KLHL2: variants seen among roughly 807,000 people sequenced by gnomAD.
KLHL2 encodes kelch-like protein 2.
In KLHL2, 15 loss-of-function variants were observed where a neutral mutation model predicts 75.8. The ratio of observed to expected loss-of-function variants is 0.20; its 90% CI spans 0.13 to 0.30. The LOEUF (loss-of-function observed/expected upper bound fraction) is 0.30. Ranked by LOEUF, KLHL2 falls within the 10% of genes least tolerant of loss-of-function variation. The pLI is 1.00. For synonymous variants in KLHL2, 214 were observed against 251.9 expected (o/e 0.85, Z 1.42); for missense variants, 381 against 741.0 (o/e 0.51, Z 5.64).
At chr4:165,304,082 G>T (rs1053956252) in intron 8 of KLHL2, among the ~76,000 whole-genome samples, 4 of 150,798 alleles carry the variant, frequency 2.7e-5, no homozygotes, top group Non-Finnish European at 4.4e-5. Flanking sequence ...AAGGGGACTT[G>T]CTGTTAACCA....
At chr4:165,210,939 AG>A in intron 1 of KLHL2, among the ~76,000 whole-genome samples, 1 of 148,662 alleles carries the variant, frequency 6.7e-6, no homozygotes, top group East Asian at 1.9e-4. Context: ...ACTCTCTGTA[AG>A]CCTTGATTTT....
At chr4:165,252,513 C>G (rs1740819043) in intron 4 of KLHL2, 1 of 152,110 alleles carries the variant, frequency 6.6e-6, no homozygotes. Context: ...TAATGTGCTT[C>G]TGATAATCTG....
intron 2 of KLHL2, among the ~76,000 whole-genome samples, chr4:165,224,439 C>T (rs942197624): frequency 6.6e-6 from 1 of 152,148 alleles, no homozygotes; most frequent in African/African-American, 2.4e-5. Context: ...TCCTGTACAA[C>T]CCATAAATAT....
intron 11 of KLHL2, among the ~76,000 whole-genome samples, chr4:165,311,964 A>G (rs1027560274): frequency 2.0e-5 from 3 of 151,898 alleles, no homozygotes; most frequent in Admixed American, 6.6e-5. Flanking sequence ...CAATTTTTCC[A>G]TGGACAGGGG....
At chr4:165,299,699 G>T (rs1745203672) in intron 8 of KLHL2, 43 bp downstream of exon 8, 2 of 1,497,224 alleles carry the variant, frequency 1.3e-6, no homozygotes, top group Non-Finnish European at 9.0e-7. Context: ...CATGCAAAAG[G>T]CTTATAAGTG....
intron 5 of KLHL2, among the ~76,000 whole-genome samples, chr4:165,284,746 A>AT (rs1743957769): frequency 1.3e-5 from 2 of 152,094 alleles, no homozygotes; most frequent in Non-Finnish European, 2.9e-5. Flanking sequence ...GTACTGGTTC[A>AT]TTTTCACACT....
chr4:165,234,895 A>G (rs1252806412), intron 3 of KLHL2, among the ~76,000 whole-genome samples: 4 of 152,086 alleles, frequency 2.6e-5, no homozygotes, highest in South Asian at 2.1e-4. Context: ...GTACTTTGGG[A>G]GGCCAAGGCG....
intron 3 of KLHL2, among the ~76,000 whole-genome samples, chr4:165,230,180 G>A (rs1374382020): frequency 5.9e-5 from 9 of 152,192 alleles, no homozygotes; most frequent in Admixed American, 5.9e-4. Flanking sequence ...GAGAGAGAGA[G>A]TCTCTAAGGC....
At chr4:165,304,143 A>C (rs998514930) in intron 8 of KLHL2, among the ~76,000 whole-genome samples, 4 of 152,074 alleles carry the variant, frequency 2.6e-5, no homozygotes, top group Non-Finnish European at 5.9e-5. Flanking sequence ...AGCCTCCCAA[A>C]GTGCTGGGAT....
At chr4:165,209,916 C>T (rs1427800203) in intron 1 of KLHL2, 3 of 1,010,298 alleles carry the variant, frequency 3.0e-6, no homozygotes, top group South Asian at 1.9e-5. Context: ...CACCCCTTGG[C>T]CTGTTTGCCT....
rs1054669601 is a variant in KLHL2, at chr4:165,247,730, GTAAT to G, written c.381+8834_381+8837del. ...CATATAATTATAAAGGCTGTGGCAA[GTAAT>G]TAGCCAAAAGGAAGATGAGGAAGAG... On this transcript the variant is annotated intron_variant, in intron 4 of 14. Coordinates refer to ENST00000226725, the MANE Select transcript of KLHL2 (RefSeq NM_007246.4). Among the ~76,000 whole-genome samples, 57 of 152,192 alleles carry G rather than the reference GTAAT, an allele frequency of 3.7e-4. 1 individual carries two copies. The highest frequency in any genetic ancestry group is 7.2e-4 in the Admixed American group (11 of 15,276).
intron 2 of KLHL2, chr4:165,223,975 C>T (rs1359765995): frequency 1.8e-5 from 8 of 449,414 alleles, no homozygotes; most frequent in African/African-American, 6.1e-5. Flanking sequence ...AATGCAGTGG[C>T]GTGATCTCAG....
intron 5 of KLHL2, among the ~76,000 whole-genome samples, chr4:165,291,043 C>G (rs1227574959): frequency 6.6e-6 from 1 of 152,168 alleles, no homozygotes; most frequent in Non-Finnish European, 1.5e-5. Context: ...TAAATGGTAT[C>G]TCATTGATGT....
chr4:165,282,795 G>A (rs1017357904), intron 5 of KLHL2, among the ~76,000 whole-genome samples: 25 of 148,678 alleles, frequency 1.7e-4, no homozygotes, highest in Admixed American at 1.3e-3. Context: ...TTAGAGCAAC[G>A]TACAGAAGAA....
At chr4:165,312,920 G>A (rs1387310273) in intron 11 of KLHL2, among the ~76,000 whole-genome samples, 8 of 152,012 alleles carry the variant, frequency 5.3e-5, no homozygotes, top group Non-Finnish European at 1.0e-4. Context: ...ATTTAATTCT[G>A]TCTTACAGGA....
chr4:165,313,037 A>AT (rs1746326657), intron 11 of KLHL2, among the ~76,000 whole-genome samples: 1 of 152,186 alleles, frequency 6.6e-6, no homozygotes, highest in Admixed American at 6.5e-5. Context: ...TACCCTGCAG[A>AT]TCTTCATAAC....
chr4:165,274,300 G>A (rs536179942), intron 5 of KLHL2, among the ~76,000 whole-genome samples: 2 of 152,170 alleles, frequency 1.3e-5, no homozygotes, highest in Non-Finnish European at 2.9e-5. Flanking sequence ...GGTCCATGGT[G>A]TGACTGCACA....
chr4:165,208,017 A>C, intron 1 of KLHL2, 115 bp downstream of exon 1: 1 of 666,744 alleles, frequency 1.5e-6, no homozygotes, highest in African/African-American at 1.9e-5. Flanking sequence ...GGGAGGTGGG[A>C]GATGCGGGGC....
Position 165,238,642 on chromosome 4 carries a change from C to T in KLHL2, c.260-136C>T, listed in dbSNP as rs1579016208. ...TGGAAGAGGAAGGGGGGAGTATTTT[C>T]GGCCTGCAAAAAGTGGCTGATTATG... On this transcript the variant is annotated intron_variant, in intron 3 of 14. Coordinates refer to ENST00000226725, the MANE Select transcript of KLHL2 (RefSeq NM_007246.4). The T allele has an allele frequency of 2.1e-5, 31 of 1,502,138 alleles. No individual in the cohort carries two copies. In the East Asian group the frequency reaches 6.9e-4, roughly 33 times the overall value. The allele number at this position is 1,502,138 out of a possible 1,614,324, so 93.1% of individuals were successfully genotyped here.
Sources: gnomAD v4.1 joint callset for allele counts (sites outside exome capture counted in the v4.1 genomes callset) on GRCh38, gnomAD v4.1.1 for gene constraint, MANE v1.5 for transcripts, NCBI Gene and HGNC (gene_info 2026-07-23, HGNC 2026-07-21) for gene names.